Variants in SMIM13 observed in about 807,000 individuals in gnomAD.
The protein encoded by SMIM13 is small integral membrane protein 13.
A neutral mutation model predicts 5.9 loss-of-function variants in SMIM13; 3 were observed. That is an observed-to-expected ratio of 0.51 (90% CI 0.23 to 1.31). The LOEUF is 1.31. Ranked by LOEUF, SMIM13 falls within the 40% of genes most tolerant of loss-of-function variation. The pLI, the probability that SMIM13 is intolerant of heterozygous loss-of-function variation, is 0.18. For synonymous variants in SMIM13, 55 were observed against 46.0 expected, an observed-to-expected ratio of 1.19 and a Z score of -0.79; for missense variants, 85 against 109.9, an observed-to-expected ratio of 0.77 and a Z score of 1.01.
Position 11,125,610 on chromosome 6 carries a change from A to G in SMIM13, c.77-8793A>G, listed in dbSNP as rs187731598. ...AGAGCGAGACCCCGTCTCAAAACAA[A>G]AGACAAAACAACAACAACAACAACA... On this transcript the variant is annotated intron_variant, in intron 1 of 1. Coordinates refer to ENST00000416247, the MANE Select transcript of SMIM13 (RefSeq NM_001135575.2). Among the ~76,000 whole-genome samples, 4 of 152,254 alleles carry G rather than the reference A, an allele frequency of 2.6e-5. No individual in the cohort carries two copies. The East Asian group carries it at 7.7e-4, about 29-fold the overall frequency.
chr6:11,124,195 C>T (rs559696935), intron 1 of SMIM13, among the ~76,000 whole-genome samples: 1 of 152,300 alleles, frequency 6.6e-6, no homozygotes, highest in East Asian at 1.9e-4. Context: ...ATTCTACTTT[C>T]TATAAGTTCA....
At chr6:11,117,746 CTT>C (rs561151019) in intron 1 of SMIM13, among the ~76,000 whole-genome samples, 8 of 141,022 alleles carry the variant, frequency 5.7e-5, no homozygotes, top group Non-Finnish European at 6.2e-5. Context: ...TATGGTCTAT[CTT>C]TTTTTTTTTT....
intron 1 of SMIM13, among the ~76,000 whole-genome samples, chr6:11,112,067 G>C (rs1015819157): frequency 6.6e-6 from 1 of 152,114 alleles, no homozygotes; most frequent in Non-Finnish European, 1.5e-5. Flanking sequence ...TTGGGAGACT[G>C]TCTTTCCCTG....
At position 11,094,219 on chromosome 6, in the gene SMIM13, C is replaced by A; in HGVS notation, c.-95C>A. On this transcript the variant is annotated 5_prime_UTR_variant, in exon 1 of 2. In the 5' UTR this introduces an upstream ATG that the reference lacks. Transcript: ENST00000416247. ...ATGCCGCCCCGGCGCCCAGCCGCGC[C>A]TGGCGCCCGCCGCTGAAGCGCAGGA... 3.6e-6 allele frequency: 2 copies of A among 554,144 alleles called. No homozygotes were observed. The highest frequency in any genetic ancestry group is 4.6e-6 in the Non-Finnish European group (2 of 430,958). The allele number at this position is 554,144 out of a possible 1,614,324, so 34.3% of individuals were successfully genotyped here.
intron 1 of SMIM13, among the ~76,000 whole-genome samples, chr6:11,115,687 C>CTT (rs138602431): frequency 8.3e-4 from 116 of 140,290 alleles, no homozygotes; most frequent in African/African-American, 2.8e-3. Context: ...TTTTTCTTTT[C>CTT]TTTTTTTTTT....
chr6:11,127,679 G>A (rs562645770), intron 1 of SMIM13, among the ~76,000 whole-genome samples: 11 of 152,284 alleles, frequency 7.2e-5, no homozygotes, highest in African/African-American at 1.4e-4. Context: ...ATCAGATCTC[G>A]TGAGACTTAT....
intron 1 of SMIM13, among the ~76,000 whole-genome samples, chr6:11,117,157 A>ATTTTTTT (rs1341431576): frequency 6.0e-5 from 7 of 116,896 alleles, no homozygotes; most frequent in African/African-American, 1.7e-4. Context: ...CGCCCGGCTA[A>ATTTTTTT]TTTTTGTATT....
chr6:11,111,570 C>T (rs77539083), intron 1 of SMIM13: 22,086 of 152,376 alleles, frequency 0.14, 2,221 homozygotes, highest in South Asian at 0.33. Flanking sequence ...TGAGAGGAAT[C>T]GTTCCAGGGG....
intron 1 of SMIM13, among the ~76,000 whole-genome samples, chr6:11,120,200 T>C (rs748162905): frequency 2.6e-5 from 4 of 152,234 alleles, no homozygotes; most frequent in Admixed American, 2.0e-4. Flanking sequence ...TTTGTAGTTA[T>C]ACTGCACCTG....
At chr6:11,117,341 T>G (rs1177864709) in intron 1 of SMIM13, among the ~76,000 whole-genome samples, 1 of 9,386 alleles carries the variant, frequency 1.1e-4, no homozygotes, top group Non-Finnish European at 1.7e-4. Context: ...TTTTTTGTAT[T>G]TTTTTTTTTT....
intron 1 of SMIM13, among the ~76,000 whole-genome samples, chr6:11,119,061 A>G (rs1259982639): frequency 6.6e-6 from 1 of 152,218 alleles, no homozygotes; most frequent in Non-Finnish European, 1.5e-5. Context: ...GAATGACACT[A>G]GGAGTGTAGA....
At chr6:11,100,883 C>T (rs528456782) in intron 1 of SMIM13, among the ~76,000 whole-genome samples, 1 of 151,952 alleles carries the variant, frequency 6.6e-6, no homozygotes. Context: ...TTTTGGATAG[C>T]CTTTTTGTCA....
intron 1 of SMIM13, among the ~76,000 whole-genome samples, chr6:11,116,140 C>G (rs922207575): frequency 1.3e-5 from 2 of 151,352 alleles, no homozygotes; most frequent in African/African-American, 4.9e-5. Flanking sequence ...GCCTCAGCCT[C>G]CCAAGTAGCT....
At chr6:11,133,966 T>G (rs1440822442) in intron 1 of SMIM13, among the ~76,000 whole-genome samples, 1 of 152,168 alleles carries the variant, frequency 6.6e-6, no homozygotes, top group Non-Finnish European at 1.5e-5. Flanking sequence ...CATAGTGCAG[T>G]TAAGTCCTGC....
At chr6:11,098,962 T>C (rs1243793065) in intron 1 of SMIM13, among the ~76,000 whole-genome samples, 3 of 152,234 alleles carry the variant, frequency 2.0e-5, no homozygotes, top group Admixed American at 6.5e-5. Flanking sequence ...ATAAAATGTT[T>C]ATGGACTAGT....
intron 1 of SMIM13, among the ~76,000 whole-genome samples, chr6:11,133,242 AAC>A (rs969009807): frequency 2.1e-4 from 32 of 152,214 alleles, no homozygotes; most frequent in African/African-American, 7.5e-4. Context: ...GCTTTACTCA[AAC>A]ACACAGTTGA....
chr6:11,095,230 A>C (rs1004392933), intron 1 of SMIM13, among the ~76,000 whole-genome samples: 4 of 152,250 alleles, frequency 2.6e-5, no homozygotes, highest in Non-Finnish European at 5.9e-5. Flanking sequence ...TCATACAGAT[A>C]CTATAGGGCT....
intron 1 of SMIM13, among the ~76,000 whole-genome samples, chr6:11,126,445 T>G (rs1040618953): frequency 6.6e-6 from 1 of 152,220 alleles, no homozygotes; most frequent in African/African-American, 2.4e-5. Context: ...TTCCTCAGTA[T>G]GTCAGTTGAA....
At chr6:11,129,325 C>T (rs1758421247) in intron 1 of SMIM13, among the ~76,000 whole-genome samples, 2 of 152,150 alleles carry the variant, frequency 1.3e-5, no homozygotes. Context: ...ACATAATAAC[C>T]TCCAGCTCCA....
Sources: allele counts gnomAD v4.1 joint callset (sites outside exome capture counted in the v4.1 genomes callset), GRCh38; gene constraint gnomAD v4.1.1; transcripts MANE v1.5; gene names NCBI Gene and HGNC (gene_info 2026-07-23, HGNC 2026-07-21).